The following ATAD1 variants were observed in gnomAD, a reference collection of about 807,000 sequenced individuals.
The protein encoded by ATAD1 is outer mitochondrial transmembrane helix translocase.
Under a neutral mutation model 42.7 loss-of-function variants are expected in ATAD1, and 18 were observed. The observed-to-expected ratio is 0.42, with a 90% CI of 0.29 to 0.63. The LOEUF (loss-of-function observed/expected upper bound fraction) is 0.63, where lower values mean the gene tolerates loss of function less well. Among genes scored for constraint, ATAD1 ranks in the 20% least tolerant of loss-of-function variants. The probability of loss-of-function intolerance (pLI) is 0.19; values close to 1 mark genes in which losing one functional copy is unlikely to be tolerated. For synonymous variants in ATAD1, 132 were observed against 143.1 expected (o/e 0.92, Z 0.55); for missense variants, 294 against 440.4 (o/e 0.67, Z 2.98).
intron 1 of ATAD1, among the ~76,000 whole-genome samples, chr10:87,837,681 C>T (rs139512055): frequency 1.3e-5 from 2 of 152,216 alleles, no homozygotes; most frequent in Non-Finnish European, 2.9e-5. Context: ...CTTTAGTTAC[C>T]CTGCTGTGGT....
intron 5 of ATAD1, among the ~76,000 whole-genome samples, chr10:87,782,630 T>C (rs1006030041): frequency 1.4e-4 from 21 of 152,168 alleles, no homozygotes; most frequent in Admixed American, 9.2e-4. Flanking sequence ...TAAAAGAACG[T>C]ATAACTTCTA....
At chr10:87,792,312 C>G (rs1433140593) in intron 3 of ATAD1, among the ~76,000 whole-genome samples, 1 of 152,148 alleles carries the variant, frequency 6.6e-6, no homozygotes, top group Non-Finnish European at 1.5e-5. Flanking sequence ...TAACCAGCCC[C>G]CAATAAATAT....
intron 2 of ATAD1, among the ~76,000 whole-genome samples, chr10:87,798,328 G>A (rs1230271767): frequency 1.3e-5 from 2 of 152,128 alleles, no homozygotes; most frequent in Admixed American, 6.5e-5. Context: ...CCCCTTTCAA[G>A]CACTCCGTAG....
At chr10:87,768,426 AC>A (rs1457243938) in intron 7 of ATAD1, among the ~76,000 whole-genome samples, 1 of 152,208 alleles carries the variant, frequency 6.6e-6, no homozygotes, top group Non-Finnish European at 1.5e-5. Context: ...TGAAAAACAA[AC>A]CAAACTCTGC....
intron 2 of ATAD1, among the ~76,000 whole-genome samples, chr10:87,794,374 G>A (rs1042438602): frequency 6.6e-6 from 1 of 152,044 alleles, no homozygotes. Flanking sequence ...GCCATAAGTC[G>A]TTTACATGTC....
chr10:87,806,641 G>A (rs972533691), intron 2 of ATAD1, among the ~76,000 whole-genome samples: 1 of 152,086 alleles, frequency 6.6e-6, no homozygotes, highest in East Asian at 1.9e-4. Flanking sequence ...GAGTTGTTGA[G>A]CATCTGTATT....
intron 6 of ATAD1, among the ~76,000 whole-genome samples, chr10:87,774,779 T>C (rs1855211894): frequency 6.6e-6 from 1 of 151,966 alleles, no homozygotes; most frequent in Admixed American, 6.6e-5. Context: ...AATGAAACTC[T>C]GTCTCTACAA....
intron 1 of ATAD1, among the ~76,000 whole-genome samples, chr10:87,840,136 A>T (rs557358748): frequency 6.6e-6 from 1 of 152,350 alleles, no homozygotes; most frequent in Non-Finnish European, 1.5e-5. Flanking sequence ...TTAAACCTTA[A>T]TTGTGATTTG....
chr10:87,828,901 T>C (rs1376060039), intron 1 of ATAD1, among the ~76,000 whole-genome samples: 1 of 152,224 alleles, frequency 6.6e-6, no homozygotes, highest in Non-Finnish European at 1.5e-5. Context: ...AGCACATCTT[T>C]TTACAGCATG....
At chr10:87,795,195 T>G (rs930218016) in intron 2 of ATAD1, among the ~76,000 whole-genome samples, 1 of 152,142 alleles carries the variant, frequency 6.6e-6, no homozygotes, top group Admixed American at 6.6e-5. Flanking sequence ...CATATTTTGC[T>G]GAAACACTAA....
At chr10:87,838,404 G>A (rs2132120583) in intron 1 of ATAD1, among the ~76,000 whole-genome samples, 1 of 131,036 alleles carries the variant, frequency 7.6e-6, no homozygotes, top group South Asian at 2.6e-4. Flanking sequence ...GTGCACACCT[G>A]TAGCCTCAGA....
Position 87,797,155 on chromosome 10 carries a change from C to T in ATAD1, c.163-4400G>A, listed in dbSNP as rs112816665. ...GGTCTTAATTTCTCCTTACCATTAG[C>T]ACAGTCAGTGATCATATTGTTGGGT... On this transcript the variant is annotated intron_variant, in intron 2 of 9. Coordinates refer to ENST00000680024, the MANE Select transcript of ATAD1 (RefSeq NM_001321967.2). 1.8e-3 allele frequency among the ~76,000 whole-genome samples: 267 copies of T among 152,282 alleles called. 2 individuals carry two copies. The highest frequency in any genetic ancestry group is 5.5e-3 in the African/African-American group (229 of 41,560).
intron 2 of ATAD1, among the ~76,000 whole-genome samples, chr10:87,805,915 C>A (rs1248615521): frequency 6.6e-6 from 1 of 152,068 alleles, no homozygotes. Flanking sequence ...TCATATTCCT[C>A]ATGACCTCTT....
At chr10:87,804,425 A>C (rs997262379) in intron 2 of ATAD1, among the ~76,000 whole-genome samples, 1 of 152,148 alleles carries the variant, frequency 6.6e-6, no homozygotes, top group African/African-American at 2.4e-5. Context: ...GCTGGAATGC[A>C]ATGGTGAGAT....
intron 2 of ATAD1, among the ~76,000 whole-genome samples, chr10:87,799,166 G>A (rs1856558417): frequency 6.6e-6 from 1 of 152,050 alleles, no homozygotes; most frequent in Admixed American, 6.6e-5. Context: ...AATATCTTAA[G>A]AATTGCCAAA....
intron 1 of ATAD1, among the ~76,000 whole-genome samples, chr10:87,830,324 G>A (rs1313717747): frequency 6.6e-6 from 1 of 152,192 alleles, no homozygotes; most frequent in Non-Finnish European, 1.5e-5. Flanking sequence ...ATTCTTTTCT[G>A]CTTTATGACC....
At chr10:87,807,908 C>T (rs1000088095) in intron 2 of ATAD1, among the ~76,000 whole-genome samples, 1 of 152,094 alleles carries the variant, frequency 6.6e-6, no homozygotes, top group East Asian at 1.9e-4. Context: ...AAAAATACAA[C>T]AAAACGAAAA....
chr10:87,794,050 A>G (rs1369283376), intron 2 of ATAD1, among the ~76,000 whole-genome samples: 1 of 152,102 alleles, frequency 6.6e-6, no homozygotes, highest in Admixed American at 6.5e-5. Context: ...CACAGACGCC[A>G]TCTCTACAAA....
chr10:87,813,589 T>C (rs1269198544), intron 2 of ATAD1, among the ~76,000 whole-genome samples: 1 of 152,064 alleles, frequency 6.6e-6, no homozygotes, highest in African/African-American at 2.4e-5. Flanking sequence ...TACATCCCTA[T>C]TTCCCACAAT....
Sources: gnomAD v4.1 joint callset for allele counts (sites outside exome capture counted in the v4.1 genomes callset) on GRCh38, gnomAD v4.1.1 for gene constraint, MANE v1.5 for transcripts, NCBI Gene and HGNC (gene_info 2026-07-23, HGNC 2026-07-21) for gene names.